DPYD: variants seen among roughly 807,000 people sequenced by gnomAD.
The protein encoded by DPYD is dihydropyrimidine dehydrogenase.
In DPYD, 109 loss-of-function variants were observed where a neutral mutation model predicts 116.2. The ratio of observed to expected loss-of-function variants is 0.94; its 90% CI spans 0.80 to 1.10. DPYD has a LOEUF of 1.10. Ranked by LOEUF, DPYD falls within the 50% of genes least tolerant of loss-of-function variation. The probability of loss-of-function intolerance (pLI) is 0.00; values close to 1 mark genes in which losing one functional copy is unlikely to be tolerated. For missense variants in DPYD, 1,302 were observed against 1,254.5 expected (o/e 1.04, Z -0.57); for synonymous variants, 440 against 432.0 (o/e 1.02, Z -0.23).
At chr1:97,382,873 T>G (rs984360273) in intron 14 of DPYD, among the ~76,000 whole-genome samples, 1 of 148,576 alleles carries the variant, frequency 6.7e-6, no homozygotes, top group African/African-American at 2.5e-5. Flanking sequence ...AGTGAAAAGG[T>G]TTTAAGTGAT....
chr1:97,644,542 C>T (rs539181941), intron 8 of DPYD, among the ~76,000 whole-genome samples: 17 of 152,042 alleles, frequency 1.1e-4, no homozygotes, highest in Non-Finnish European at 2.2e-4. Flanking sequence ...GATTCTCCTG[C>T]CTCAGCCTCC....
chr1:97,580,098 CA>C (rs1356502645), intron 10 of DPYD, among the ~76,000 whole-genome samples: 1 of 152,138 alleles, frequency 6.6e-6, no homozygotes, highest in Non-Finnish European at 1.5e-5. Flanking sequence ...AGCATGATGT[CA>C]ACTCACTTTT....
intron 3 of DPYD, among the ~76,000 whole-genome samples, chr1:97,753,783 A>T (rs2101107396): frequency 6.6e-6 from 1 of 152,198 alleles, no homozygotes; most frequent in South Asian, 2.1e-4. Flanking sequence ...TAGAAACAAC[A>T]TTTATAACTA....
chr1:97,876,873 T>G (rs1671946723), intron 2 of DPYD, among the ~76,000 whole-genome samples: 1 of 151,934 alleles, frequency 6.6e-6, no homozygotes, highest in South Asian at 2.1e-4. Context: ...TAAAAGTAAC[T>G]TTTTTCCTCC....
At chr1:97,246,254 C>T (rs1189975548) in intron 18 of DPYD, among the ~76,000 whole-genome samples, 4 of 152,056 alleles carry the variant, frequency 2.6e-5, no homozygotes, top group Non-Finnish European at 4.4e-5. Flanking sequence ...TACCCAGCAC[C>T]ATGGCTGTTG....
chr1:97,478,588 T>G (rs981967816), intron 13 of DPYD, among the ~76,000 whole-genome samples: 1 of 152,280 alleles, frequency 6.6e-6, no homozygotes, highest in African/African-American at 2.4e-5. Context: ...GCTCAGCCAA[T>G]TTAGCATAAT....
intron 20 of DPYD, among the ~76,000 whole-genome samples, chr1:97,158,346 T>C (rs927500873): frequency 1.3e-5 from 2 of 152,002 alleles, no homozygotes; most frequent in Non-Finnish European, 1.5e-5. Context: ...AAGTTTTATA[T>C]CTAGGTGAAT....
chr1:97,464,612 G>A (rs1456773117), intron 13 of DPYD, among the ~76,000 whole-genome samples: 1 of 152,192 alleles, frequency 6.6e-6, no homozygotes, highest in Non-Finnish European at 1.5e-5. Context: ...AGCTCAGGCT[G>A]TTGCTTCAGA....
chr1:97,168,873 G>A (rs1056473651), intron 20 of DPYD, among the ~76,000 whole-genome samples: 7 of 147,728 alleles, frequency 4.7e-5, no homozygotes, highest in African/African-American at 1.3e-4. Context: ...TTGAGACAGA[G>A]TCTCACTCTG....
At chr1:97,546,667 T>C (rs1650890596) in intron 12 of DPYD, 2 of 1,612,860 alleles carry the variant, frequency 1.2e-6, no homozygotes, top group African/African-American at 2.7e-5. Flanking sequence ...GGAGCAGACA[T>C]TAATATCCAT....
intron 16 of DPYD, chr1:97,322,829 T>C (rs181808754): frequency 4.6e-5 from 7 of 152,044 alleles, no homozygotes; most frequent in Admixed American, 3.9e-4. Context: ...CCTCTGGGGA[T>C]TGGGACACCA....
intron 8 of DPYD, among the ~76,000 whole-genome samples, chr1:97,621,710 T>C (rs1169568776): frequency 3.3e-5 from 5 of 151,914 alleles, no homozygotes; most frequent in Admixed American, 1.3e-4. Context: ...ATAAAAGAAA[T>C]CAGGGCCCCC....
At chr1:97,576,750 C>T (rs901190723) in intron 10 of DPYD, among the ~76,000 whole-genome samples, 1 of 152,136 alleles carries the variant, frequency 6.6e-6, no homozygotes, top group African/African-American at 2.4e-5. Flanking sequence ...AAATATCTGG[C>T]ATTCTTACCA....
At chr1:97,719,637 C>T in intron 5 of DPYD, 13 of 918,138 alleles carry the variant, frequency 1.4e-5, no homozygotes, top group South Asian at 5.0e-5. Context: ...TTTTTAACTT[C>T]CTAATAACTT....
At chr1:97,776,362 A>T (rs1330060645) in intron 3 of DPYD, among the ~76,000 whole-genome samples, 1 of 152,176 alleles carries the variant, frequency 6.6e-6, no homozygotes, top group Non-Finnish European at 1.5e-5. Context: ...TCCTAAAATT[A>T]CGCCAAGGTG....
At chr1:97,609,161 G>C (rs1233614164) in intron 8 of DPYD, among the ~76,000 whole-genome samples, 1 of 151,790 alleles carries the variant, frequency 6.6e-6, no homozygotes, top group East Asian at 1.9e-4. Flanking sequence ...TATGGTTTTA[G>C]GGCCATTTTT....
rs59090402 is a variant in DPYD at position 97,469,397 on chromosome 1, C to CAAAAAAAAAAAAAAAAAAAAAAAAA, written c.1741-19199_1741-19175dup. On this transcript the variant is annotated intron_variant, in intron 13 of 22. Coordinates refer to ENST00000370192, the MANE Select transcript of DPYD (RefSeq NM_000110.4). ...ATAGCTCTAAGGGAAGCTAAAATTG[C>CAAAAAAAAAAAAAAAAAAAAAAAAA]AAAAAAAAAAAAAAAAAAAAAAAAA... 8.7e-4 allele frequency among the ~76,000 whole-genome samples: 70 copies of CAAAAAAAAAAAAAAAAAAAAAAAAA among 80,806 alleles called. 2 individuals carry two copies. The highest frequency in any genetic ancestry group is 1.8e-3 in the African/African-American group (34 of 18,472). 53.0% of individuals were successfully genotyped at this position (80,806 alleles called of 152,430 possible). A position where few individuals can be genotyped will look rare whatever the true frequency, so the allele number is the denominator to read the frequency against.
At chr1:97,267,877 C>G (rs1416063032) in intron 18 of DPYD, among the ~76,000 whole-genome samples, 1 of 152,092 alleles carries the variant, frequency 6.6e-6, no homozygotes, top group Non-Finnish European at 1.5e-5. Flanking sequence ...CATTCCAGCA[C>G]GAACTCCTAA....
chr1:97,174,992 G>C (rs1208215135), intron 20 of DPYD, among the ~76,000 whole-genome samples: 1 of 152,044 alleles, frequency 6.6e-6, no homozygotes, highest in Non-Finnish European at 1.5e-5. Flanking sequence ...TTTTGTGTCT[G>C]GTTTCTTTTC....
Sources: allele counts gnomAD v4.1 joint callset (sites outside exome capture counted in the v4.1 genomes callset), GRCh38; gene constraint gnomAD v4.1.1; transcripts MANE v1.5; gene names NCBI Gene and HGNC (gene_info 2026-07-23, HGNC 2026-07-21).